The following NFKB1 variants were observed in gnomAD, a reference collection of about 807,000 sequenced individuals.
NFKB1 encodes the protein nuclear factor kappa B subunit 1, also known as nuclear factor NF-kappa-B p105 subunit.
In NFKB1, 9 loss-of-function variants were observed where a neutral mutation model predicts 105.1. The observed-to-expected ratio is 0.09, with a 90% CI of 0.05 to 0.15. The LOEUF is 0.15. Among genes scored for constraint, NFKB1 ranks in the 10% least tolerant of loss-of-function variants. The pLI, the probability that NFKB1 is intolerant of heterozygous loss-of-function variation, is 1.00. For synonymous variants in NFKB1, 440 were observed against 442.2 expected, an observed-to-expected ratio of 1.00 and a Z score of 0.06; for missense variants, 830 against 1,203.7, an observed-to-expected ratio of 0.69 and a Z score of 4.59.
chr4:102,532,725 A>G (rs1741380593), intron 3 of NFKB1, among the ~76,000 whole-genome samples: 1 of 152,230 alleles, frequency 6.6e-6, no homozygotes, highest in South Asian at 2.1e-4. Context: ...ATTTATTTAA[A>G]ATAAGAGGTC....
intron 1 of NFKB1, among the ~76,000 whole-genome samples, chr4:102,505,131 C>T (rs976880946): frequency 5.3e-5 from 8 of 152,076 alleles, no homozygotes; most frequent in African/African-American, 1.9e-4. Context: ...TTTACATTTC[C>T]GGAGGTTGTT....
chr4:102,545,366 A>C (rs565518748), intron 5 of NFKB1, among the ~76,000 whole-genome samples: 2 of 152,070 alleles, frequency 1.3e-5, no homozygotes, highest in African/African-American at 2.4e-5. Flanking sequence ...GTCCCCTTCT[A>C]CCCAACAGAA....
At chr4:102,502,733 T>A (rs1739170688) in intron 1 of NFKB1, among the ~76,000 whole-genome samples, 1 of 152,194 alleles carries the variant, frequency 6.6e-6, no homozygotes, top group African/African-American at 2.4e-5. Flanking sequence ...TTATCAAGAT[T>A]GACATGTTCA....
At chr4:102,607,128 T>C in intron 17 of NFKB1, 22 bp from the exon 18 acceptor site, 1 of 1,613,994 alleles carries the variant, frequency 6.2e-7, no homozygotes. Context: ...ATCCTGTGAC[T>C]GTCCCTTTGC....
intron 1 of NFKB1, among the ~76,000 whole-genome samples, chr4:102,508,548 C>T (rs1255497270): frequency 6.6e-6 from 1 of 152,088 alleles, no homozygotes; most frequent in Non-Finnish European, 1.5e-5. Context: ...TGTGTTCATA[C>T]TGCTAATTTC....
Position 102,596,128 on chromosome 4 carries a change from T to C in NFKB1, c.1301-10T>C. ...CTGAGAAAAATCTGATGTTTTTGCA[T>C]TTATCTTAGGAACCATGGACACTGA... On this transcript the variant is annotated splice_polypyrimidine_tract_variant and intron_variant, in intron 13 of 23. Transcript: ENST00000226574. 1 of 1,510,072 alleles carries C rather than the reference T, an allele frequency of 6.6e-7. No individual in the cohort carries two copies. The highest frequency in any genetic ancestry group is 8.9e-7 in the Non-Finnish European group (1 of 1,120,406). 93.5% of individuals were successfully genotyped at this position (1,510,072 alleles called of 1,614,324 possible).
intron 1 of NFKB1, among the ~76,000 whole-genome samples, chr4:102,508,961 G>A (rs942483502): frequency 6.6e-6 from 1 of 152,146 alleles, no homozygotes; most frequent in Non-Finnish European, 1.5e-5. Context: ...GGGTCATAAT[G>A]AAAGAAGTAA....
intron 5 of NFKB1, among the ~76,000 whole-genome samples, chr4:102,558,122 A>G (rs230508): frequency 0.71 from 106,692 of 150,602 alleles, 38,597 homozygotes; most frequent in African/African-American, 0.85. Context: ...TTGTTGTACT[A>G]ATTATTTCAT....
chr4:102,542,372 T>A (rs1243488508), intron 5 of NFKB1, among the ~76,000 whole-genome samples: 11 of 152,088 alleles, frequency 7.2e-5, no homozygotes, highest in East Asian at 3.8e-4. Context: ...GCTCTTTTTT[T>A]AAAAAAAATT....
At position 102,613,226 on chromosome 4, in the gene NFKB1, G is replaced by A. The variant is rs189566380; in HGVS notation, c.2593-199G>A. ...ACAAACCACTTCTCTGTGATTTCCT[G>A]AGTGGTCTTTGAGCCGAAACAGGAA... On this transcript the variant is annotated intron_variant, in intron 22 of 23. Transcript: ENST00000226574. 2.5e-4 allele frequency among the ~76,000 whole-genome samples: 38 copies of A among 152,212 alleles called. No homozygotes were observed. In the East Asian group the frequency reaches 7.2e-3, roughly 29 times the overall value.
intron 1 of NFKB1, among the ~76,000 whole-genome samples, chr4:102,510,451 T>C (rs1739705894): frequency 6.6e-6 from 1 of 152,200 alleles, no homozygotes; most frequent in Non-Finnish European, 1.5e-5. Flanking sequence ...TGAGCATCTC[T>C]CTCTAAAATT....
chr4:102,529,894 C>T lies in NFKB1; in HGVS notation c.98C>T (p.Pro33Leu), dbSNP rs1359408485. 2.5e-6 allele frequency: 4 copies of T among 1,609,784 alleles called. No homozygotes were observed. In the Admixed American group the frequency reaches 6.7e-5, roughly 27 times the overall value. The change falls in exon 3 of 24, where the codon CCA becomes CTA. Residue 33 changes from proline to leucine, a missense_variant. Physicochemically the swap from Pro to Leu is moderately conservative, Grantham distance 98. Around this residue, in one of 8 missense-constraint regions of NFKB1, gnomAD observed 46 missense variants for 48.3 expected, o/e 0.95. Transcript: ENST00000226574. ...HTIFNPEVFQ[P>L]QMALPTADGP... is the part of the protein sequence containing the mutation. Reference sequence around the variant, plus strand: ...ATATTTAATCCAGAAGTATTTCAACCACAGATGGCACTGCCAACAGGTAAG... The same window carrying T: ...ATATTTAATCCAGAAGTATTTCAACTACAGATGGCACTGCCAACAGGTAAG...
intron 5 of NFKB1, among the ~76,000 whole-genome samples, chr4:102,538,176 A>G (rs2149128194): frequency 6.6e-6 from 1 of 152,340 alleles, no homozygotes; most frequent in East Asian, 1.9e-4. Flanking sequence ...TGTCTTCAGC[A>G]TTAGCTAACA....
intron 5 of NFKB1, among the ~76,000 whole-genome samples, chr4:102,543,715 A>G (rs895317142): frequency 1.1e-4 from 16 of 152,098 alleles, no homozygotes; most frequent in African/African-American, 3.6e-4. Context: ...GCATTTGAGG[A>G]TATCACATAT....
At chr4:102,595,718 A>G (rs1416082707) in intron 13 of NFKB1, among the ~76,000 whole-genome samples, 2 of 152,224 alleles carry the variant, frequency 1.3e-5, no homozygotes, top group Non-Finnish European at 2.9e-5. Context: ...AAAGAGGGTG[A>G]TCAGGAATGG....
At chr4:102,610,819 A>G (rs1728338388) in intron 20 of NFKB1, 120 bp downstream of exon 20, 1 of 1,275,760 alleles carries the variant, frequency 7.8e-7, no homozygotes, top group Non-Finnish European at 1.1e-6. Context: ...TATTTTTAAG[A>G]AAGTCTGTTT....
Position 102,597,615 on chromosome 4 carries a change from G to A in NFKB1, c.1591G>A (p.Ala531Thr). 6.2e-7 allele frequency: 1 copy of A among 1,613,806 alleles called. No homozygotes were observed. The highest frequency in any genetic ancestry group is 8.5e-7 in the Non-Finnish European group (1 of 1,179,854). Reference protein sequence around the residue: ...AVTGDVKMLLAVQRHLTAVQD... With the variant: ...AVTGDVKMLLTVQRHLTAVQD... ...GACAGGAGACGTGAAGATGCTGCTG[G>A]CCGTCCAGCGCCATCTCACTGCTGT... Residue 531 changes from alanine to threonine, a missense_variant, in exon 15 of 24, where the codon GCC (alanine) becomes ACC (threonine). Ala to Thr is a moderately conservative substitution (Grantham distance 58). Coordinates refer to ENST00000226574, the MANE Select transcript of NFKB1 (RefSeq NM_003998.4).
intron 1 of NFKB1, among the ~76,000 whole-genome samples, chr4:102,504,776 T>C (rs1273489175): frequency 6.6e-6 from 1 of 152,190 alleles, no homozygotes; most frequent in Non-Finnish European, 1.5e-5. Flanking sequence ...GTCACTACTT[T>C]GGAGACAGAC....
chr4:102,552,647 A>C (rs1463872776), intron 5 of NFKB1, among the ~76,000 whole-genome samples: 1 of 152,206 alleles, frequency 6.6e-6, no homozygotes, highest in African/African-American at 2.4e-5. Flanking sequence ...CAGATCCCCC[A>C]AAATAATAGA....
Sources: gnomAD v4.1 joint callset for allele counts (sites outside exome capture counted in the v4.1 genomes callset) on GRCh38, gnomAD v4.1.1 for gene constraint, gnomAD v4.1.1 regional missense constraint, MANE v1.5 for transcripts, NCBI Gene and HGNC (gene_info 2026-07-23, HGNC 2026-07-21) for gene names.